The following PITPNM2 variants were observed in gnomAD, a reference collection of about 807,000 sequenced individuals.
The protein encoded by PITPNM2 is membrane-associated phosphatidylinositol transfer protein 2.
In PITPNM2, 35 loss-of-function variants were observed where a neutral mutation model predicts 132.2. The observed-to-expected ratio is 0.26, with a 90% CI of 0.20 to 0.35. The LOEUF is 0.35. Among genes scored for constraint, PITPNM2 ranks in the 10% least tolerant of loss-of-function variants. The pLI is 1.00. For missense variants in PITPNM2, 1,332 were observed against 1,912.0 expected (o/e 0.70, Z 5.66); for synonymous variants, 738 against 799.2 (o/e 0.92, Z 1.29).
chr12:123,020,589 G>A (rs954868484), intron 3 of PITPNM2, among the ~76,000 whole-genome samples: 2 of 152,218 alleles, frequency 1.3e-5, no homozygotes, highest in African/African-American at 4.8e-5. Context: ...GTTTAGATAG[G>A]AGGTGAGGCC....
At chr12:122,997,799 C>A (rs1480248930) in intron 10 of PITPNM2, among the ~76,000 whole-genome samples, 1 of 152,172 alleles carries the variant, frequency 6.6e-6, no homozygotes, top group Non-Finnish European at 1.5e-5. Context: ...GGGAGGTGGG[C>A]CTGTCCACTC....
intron 4 of PITPNM2, 78 bp from the exon 5 acceptor site, chr12:123,012,812 T>G: frequency 5.1e-6 from 8 of 1,557,354 alleles, no homozygotes; most frequent in Non-Finnish European, 7.0e-6. Flanking sequence ...GTTGACCCAC[T>G]GGGTAGGAGT....
At chr12:123,128,863 C>T (rs2043203480) in intron 1 of PITPNM2, among the ~76,000 whole-genome samples, 2 of 152,034 alleles carry the variant, frequency 1.3e-5, no homozygotes, top group South Asian at 4.2e-4. Flanking sequence ...AGGCTGGGGC[C>T]AGTGGGCTCA....
rs1422486982 is a variant in PITPNM2 at position 123,005,034 on chromosome 12, G to A, written c.952+206C>T. Among the ~76,000 whole-genome samples, 2 of 152,108 alleles carry A rather than the reference G, an allele frequency of 1.3e-5. No individual in the cohort carries two copies. The highest frequency in any genetic ancestry group is 4.8e-5 in the African/African-American group (2 of 41,408). ...GGGTAGCACTGTCTTCCCTGGGCAT[G>A]GAGGGGAAGTGTTGGGGAGCCCACT... On this transcript the variant is annotated intron_variant, in intron 7 of 25. Coordinates refer to ENST00000320201, the MANE Select transcript of PITPNM2 (RefSeq NM_020845.3). This position sits in a 1 kb window ranked among gnomAD's most constrained non-coding sequence, Gnocchi z 6.2.
At chr12:123,137,346 TCACA>T (rs2043404058) in intron 1 of PITPNM2, among the ~76,000 whole-genome samples, 1 of 152,060 alleles carries the variant, frequency 6.6e-6, no homozygotes, top group African/African-American at 2.4e-5. Context: ...GCAGATAGAA[TCACA>T]GGTGAGCCCC....
chr12:123,085,110 C>T (rs147956919), intron 2 of PITPNM2, among the ~76,000 whole-genome samples: 96 of 152,332 alleles, frequency 6.3e-4, no homozygotes, highest in African/African-American at 2.1e-3. Flanking sequence ...AGAGTTGTGG[C>T]ATGCACCGTA....
rs181604873 is a variant in PITPNM2, at chr12:123,109,918, A to G, written c.-96+467T>C. On this transcript the variant is annotated intron_variant, in intron 2 of 25. Transcript: ENST00000320201. ...GTCAATATTTGCAAAAGCGTAATCA[A>G]TAAATACAATCTACCCCACATTAAT... Among the ~76,000 whole-genome samples the G allele has an allele frequency of 1.2e-3, 177 of 152,354 alleles. 1 individual carries two copies. Among genetic ancestry groups the G allele is most frequent in the Middle Eastern group, 3.4e-3 (1 of 294 alleles).
intron 2 of PITPNM2, among the ~76,000 whole-genome samples, chr12:123,053,765 T>C (rs2040936381): frequency 6.6e-6 from 1 of 151,990 alleles, no homozygotes; most frequent in Admixed American, 6.6e-5. Flanking sequence ...ATGGGGTTTC[T>C]GCATATTGGT....
intron 1 of PITPNM2, among the ~76,000 whole-genome samples, chr12:123,133,794 A>ACG (rs1467703119): frequency 1.3e-5 from 1 of 78,840 alleles, no homozygotes; most frequent in Admixed American, 1.5e-4. Context: ...ATTAATGAAC[A>ACG]CACACACACA....
intron 17 of PITPNM2, among the ~76,000 whole-genome samples, chr12:122,990,310 C>T (rs2038132105): frequency 1.3e-5 from 2 of 152,254 alleles, no homozygotes; most frequent in South Asian, 4.1e-4. Context: ...CCTGAGAAGG[C>T]GAAGCTTCTC....
rs1320383507 is a variant in PITPNM2 at position 123,064,766 on chromosome 12, GAAAC to G, written c.-95-30085_-95-30082del. Among the ~76,000 whole-genome samples the G allele has an allele frequency of 2.0e-5, 3 of 152,236 alleles. No individual in the cohort carries two copies. The highest frequency in any genetic ancestry group is 1.3e-4 in the Admixed American group (2 of 15,282). ...TCACCCTGCAAAAAAAAGCTAGTGG[GAAAC>G]AAACAACACAATGAATCAGATGCAG... On this transcript the variant is annotated intron_variant, in intron 2 of 25. Transcript: ENST00000320201. This position sits in a 1 kb window ranked among gnomAD's most constrained non-coding sequence, Gnocchi z 4.0.
rs924427215 is a variant in PITPNM2, at chr12:122,992,012, G to A, written c.2404+487C>T. ...CTCGAGGACCAGGACGTGACAAGAC[G>A]CTGGGACACACGCTGGGGCAGGGGT... On this transcript the variant is annotated intron_variant, in intron 16 of 25. Coordinates refer to ENST00000320201, the MANE Select transcript of PITPNM2 (RefSeq NM_020845.3). This position sits in a 1 kb window ranked among gnomAD's most constrained non-coding sequence, Gnocchi z 6.5. The A allele has an allele frequency of 1.4e-5, 14 of 1,013,344 alleles. No individual in the cohort carries two copies. The South Asian group carries it at 5.1e-4, about 37-fold the overall frequency. 62.8% of individuals were successfully genotyped at this position (1,013,344 alleles called of 1,614,324 possible). A position where few individuals can be genotyped will look rare whatever the true frequency, so the allele number is the denominator to read the frequency against.
chr12:123,089,365 A>G (rs1202515079), intron 2 of PITPNM2: 2 of 152,186 alleles, frequency 1.3e-5, no homozygotes, highest in Non-Finnish European at 2.9e-5. Flanking sequence ...CCTGCACCCA[A>G]TGAAGCTGAT....
chr12:123,055,068 A>G (rs1231285091), intron 2 of PITPNM2, among the ~76,000 whole-genome samples: 3 of 152,132 alleles, frequency 2.0e-5, no homozygotes, highest in East Asian at 3.9e-4. Context: ...GTCTCAAAAA[A>G]AAGAAAAGAA....
At position 123,112,292 on chromosome 12, in the gene PITPNM2, T is replaced by G. The variant is rs10431343; in HGVS notation, c.-199-1804A>C. ...GTGCTGCTGGCTAACTCAGTTTTCC[T>G]CCAGTGACCCCTCACATAAATGGTA... On this transcript the variant is annotated intron_variant, in intron 1 of 25. Coordinates refer to ENST00000320201, the MANE Select transcript of PITPNM2 (RefSeq NM_020845.3). Among the ~76,000 whole-genome samples the G allele has an allele frequency of 1.9e-4, 29 of 152,236 alleles. No homozygotes were observed. The East Asian group carries it at 4.1e-3, about 21-fold the overall frequency.
chr12:122,988,835 G>T lies in PITPNM2; in HGVS notation c.2769C>A (p.Tyr923Ter). The T allele has an allele frequency of 6.3e-7, 1 of 1,580,358 alleles. No homozygotes were observed. The highest frequency in any genetic ancestry group is 1.8e-5 in the Admixed American group (1 of 54,336). Reference protein sequence around the residue: ...AKWWGQKRIDYALYCPDALTA... With the variant: ...AKWWGQKRID ...TGAGGGCGTCAGGGCAGTACAGGGC[G>T]TAGTCGATCCGCTTCTGGCCCCACC... The change falls in exon 19 of 26, where the codon TAC becomes TAA. Residue 923 changes from tyrosine to a stop codon, truncating the protein, a stop_gained. Coordinates refer to ENST00000320201, the MANE Select transcript of PITPNM2 (RefSeq NM_020845.3). LOFTEE classifies it high-confidence loss of function.
chr12:123,147,893 G>T (rs760968687), intron 1 of PITPNM2, among the ~76,000 whole-genome samples: 1 of 152,152 alleles, frequency 6.6e-6, no homozygotes, highest in Non-Finnish European at 1.5e-5. Flanking sequence ...CACACTGCAT[G>T]GTGCATAGTA....
intron 2 of PITPNM2, among the ~76,000 whole-genome samples, chr12:123,079,080 T>G (rs1466965518): frequency 6.6e-6 from 1 of 152,142 alleles, no homozygotes; most frequent in Non-Finnish European, 1.5e-5. Context: ...TGGGGAAGGC[T>G]CAGGGCAGGC....
At chr12:123,119,610 G>A (rs895334120) in intron 1 of PITPNM2, among the ~76,000 whole-genome samples, 7 of 151,636 alleles carry the variant, frequency 4.6e-5, no homozygotes, top group Non-Finnish European at 1.0e-4. Context: ...CGCCCGCCTC[G>A]GCCTCCCAAA....
Sources: gnomAD v4.1 joint callset for allele counts (sites outside exome capture counted in the v4.1 genomes callset) on GRCh38, gnomAD v4.1.1 for gene constraint, Gnocchi (gnomAD v3.1) non-coding constraint, MANE v1.5 for transcripts, NCBI Gene and HGNC (gene_info 2026-07-23, HGNC 2026-07-21) for gene names.